CHODL: variants seen among roughly 807,000 people sequenced by gnomAD.
CHODL encodes chondrolectin, also known as transmembrane protein MT75.
Under a neutral mutation model 34.5 loss-of-function variants are expected in CHODL, and 29 were observed. The observed-to-expected ratio is 0.84, with a 90% CI of 0.63 to 1.15. The LOEUF is 1.15. Ranked by LOEUF, CHODL falls within the 50% of genes most tolerant of loss-of-function variation. The pLI is 0.00. For synonymous variants in CHODL, 125 were observed against 116.1 expected (o/e 1.08, Z -0.49); for missense variants, 332 against 332.5 (o/e 1.00, Z 0.01).
At chr21:18,096,091 C>T (rs904703954) in intron 2 of CHODL, among the ~76,000 whole-genome samples, 34 of 152,238 alleles carry the variant, frequency 2.2e-4, no homozygotes, top group East Asian at 1.2e-3. Context: ...TAATTTCTTA[C>T]GACTGTCTTT....
chr21:17,996,751 T>C (rs158080), intron 1 of CHODL, among the ~76,000 whole-genome samples: 101,796 of 152,094 alleles, frequency 0.67, 34,719 homozygotes, highest in Middle Eastern at 0.79. Flanking sequence ...ACTGAAGTAC[T>C]TCATGAATTT....
intron 2 of CHODL, among the ~76,000 whole-genome samples, chr21:18,071,700 A>T (rs538233056): frequency 6.6e-6 from 1 of 152,288 alleles, no homozygotes; most frequent in East Asian, 1.9e-4. Flanking sequence ...GAAAGTGATT[A>T]TACATTTCTA....
At chr21:17,988,456 G>A (rs1455215471) in intron 1 of CHODL, among the ~76,000 whole-genome samples, 1 of 137,252 alleles carries the variant, frequency 7.3e-6, no homozygotes, top group African/African-American at 2.8e-5. Context: ...GTGCAGGTTA[G>A]TTACATATGT....
At chr21:18,209,354 A>G (rs150022806) in intron 2 of CHODL, among the ~76,000 whole-genome samples, 205 of 152,234 alleles carry the variant, frequency 1.3e-3, no homozygotes, top group African/African-American at 3.7e-3. Context: ...ATGTTCACTC[A>G]AGGTTCAAGG....
At chr21:17,968,069 G>A (rs1468035559) in intron 1 of CHODL, among the ~76,000 whole-genome samples, 1 of 152,174 alleles carries the variant, frequency 6.6e-6, no homozygotes. Context: ...CAGCATTCAT[G>A]GCTAAATTCC....
intron 2 of CHODL, among the ~76,000 whole-genome samples, chr21:18,084,920 AGT>A (rs376876845): frequency 0.066 from 5,607 of 85,098 alleles, 144 homozygotes; most frequent in East Asian, 0.14. Flanking sequence ...GTCTAGTAAT[AGT>A]GTGTGTGTGT....
intron 1 of CHODL, among the ~76,000 whole-genome samples, chr21:17,989,298 A>T (rs1359112980): frequency 6.6e-6 from 1 of 152,138 alleles, no homozygotes. Flanking sequence ...GAGATCACTG[A>T]TTTCAGTTTG....
At chr21:18,009,200 A>G (rs973091856) in intron 1 of CHODL, among the ~76,000 whole-genome samples, 4 of 152,202 alleles carry the variant, frequency 2.6e-5, no homozygotes, top group Non-Finnish European at 4.4e-5. Context: ...TAGATTCAGT[A>G]GTCATTTTTA....
chr21:18,044,811 C>G (rs1364297723), intron 2 of CHODL, among the ~76,000 whole-genome samples: 1 of 151,890 alleles, frequency 6.6e-6, no homozygotes, highest in East Asian at 1.9e-4. Context: ...GTTTACTCTT[C>G]AGATGGCTAA....
At chr21:18,071,508 A>G (rs2064804874) in intron 2 of CHODL, among the ~76,000 whole-genome samples, 1 of 151,956 alleles carries the variant, frequency 6.6e-6, no homozygotes, top group Non-Finnish European at 1.5e-5. Context: ...TACCCTCTAC[A>G]TGATTCCCTA....
Position 18,266,133 on chromosome 21 carries a change from G to C in CHODL, c.*95G>C. 4 of 1,604,228 alleles carry C rather than the reference G, an allele frequency of 2.5e-6. No homozygotes were observed. The highest frequency in any genetic ancestry group is 3.4e-6 in the Non-Finnish European group (4 of 1,174,030). ...CTTGGAATGGCTTGAAATCACAAAGGATCTGCAAGATGAACTGTAAGCTCC... is the reference window on the plus strand; with the variant it reads ...CTTGGAATGGCTTGAAATCACAAAGCATCTGCAAGATGAACTGTAAGCTCC... On this transcript the variant is annotated 3_prime_UTR_variant, in exon 6 of 6. Coordinates refer to ENST00000299295, the MANE Select transcript of CHODL (RefSeq NM_024944.3).
At chr21:18,025,620 G>A (rs909290658) in intron 1 of CHODL, among the ~76,000 whole-genome samples, 2 of 151,618 alleles carry the variant, frequency 1.3e-5, no homozygotes, top group South Asian at 4.1e-4. Context: ...TTTTTGTTGC[G>A]TTAATTGGCA....
At chr21:18,105,785 A>G (rs991035432) in intron 2 of CHODL, among the ~76,000 whole-genome samples, 1 of 152,226 alleles carries the variant, frequency 6.6e-6, no homozygotes, top group African/African-American at 2.4e-5. Context: ...GATTAATAAT[A>G]TGTAACCTGC....
intron 1 of CHODL, among the ~76,000 whole-genome samples, chr21:17,987,064 A>T (rs748063705): frequency 1.3e-5 from 2 of 152,130 alleles, no homozygotes; most frequent in African/African-American, 2.4e-5. Context: ...AGAAAAGTTA[A>T]TTTTTTCTGT....
At chr21:18,091,831 G>A (rs1357957239) in intron 2 of CHODL, among the ~76,000 whole-genome samples, 1 of 152,224 alleles carries the variant, frequency 6.6e-6, no homozygotes, top group African/African-American at 2.4e-5. Context: ...TGGACCAGTA[G>A]TGGTGGTGAT....
At chr21:18,230,261 A>G (rs9984040) in intron 2 of CHODL, among the ~76,000 whole-genome samples, 64,040 of 151,974 alleles carry the variant, frequency 0.42, 15,219 homozygotes, top group African/African-American at 0.65. Context: ...GGAAGACCTG[A>G]AACCACATGA....
intron 2 of CHODL, among the ~76,000 whole-genome samples, chr21:18,129,890 CTCTGTG>C (rs1338106295): frequency 3.4e-4 from 39 of 113,466 alleles, no homozygotes; most frequent in African/African-American, 9.4e-4. Flanking sequence ...CTCTGTCTTT[CTCTGTG>C]TGTGTGTGTG....
Position 18,257,083 on chromosome 21 carries a change from A to G in CHODL, c.503A>G (p.Asp168Gly). The G allele has an allele frequency of 6.2e-7, 1 of 1,613,796 alleles. No homozygotes were observed. The highest frequency in any genetic ancestry group is 8.5e-7 in the Non-Finnish European group (1 of 1,179,848). ...GGPYLYQWND[D>G]RCNMKHNYIC... is the part of the protein sequence containing the mutation. ...CCCTACCTTTACCAGTGGAATGATG[A>G]CAGGTGTAACATGAAGCACAATTAT... The change falls in exon 3 of 6, where the codon GAC becomes GGC. Residue 168 changes from aspartate to glycine, a missense_variant. Physicochemically the swap from Asp to Gly is moderately conservative, Grantham distance 94. Coordinates refer to ENST00000299295, the MANE Select transcript of CHODL (RefSeq NM_024944.3).
intron 2 of CHODL, among the ~76,000 whole-genome samples, chr21:18,138,573 G>A (rs1688181): frequency 0.078 from 11,890 of 152,102 alleles, 1,476 homozygotes; most frequent in African/African-American, 0.26. Context: ...GTACTTGGAA[G>A]GAACAGTAAT....
Sources: allele counts gnomAD v4.1 joint callset (sites outside exome capture counted in the v4.1 genomes callset), GRCh38; gene constraint gnomAD v4.1.1; transcripts MANE v1.5; gene names NCBI Gene and HGNC (gene_info 2026-07-23, HGNC 2026-07-21).